ODAD2: variants seen among roughly 807,000 people sequenced by gnomAD.
ODAD2 encodes the protein outer dynein arm docking complex subunit 2.
Under a neutral mutation model 106.8 loss-of-function variants are expected in ODAD2, and 89 were observed. The ratio of observed to expected loss-of-function variants is 0.83; its 90% CI spans 0.70 to 0.99. The LOEUF is 0.99. ODAD2 is among the 50% of genes least tolerant of loss of function. ODAD2 has a pLI of 0.00. For missense variants in ODAD2, 1,168 were observed against 1,238.5 expected (o/e 0.94, Z 0.85); for synonymous variants, 404 against 436.2 (o/e 0.93, Z 0.92).
intron 19 of ODAD2, among the ~76,000 whole-genome samples, chr10:27,818,996 T>C (rs1461694333): frequency 1.3e-5 from 2 of 152,232 alleles, no homozygotes; most frequent in African/African-American, 2.4e-5. Context: ...CCTTCTCATA[T>C]GTGTAAAGGG....
At chr10:27,862,682 A>G in intron 17 of ODAD2, 60 bp from the exon 18 acceptor site, 1 of 1,291,748 alleles carries the variant, frequency 7.7e-7, no homozygotes, top group Non-Finnish European at 1.1e-6. Flanking sequence ...GGCATTTTTT[A>G]AGAGGCAGAA....
intron 17 of ODAD2, among the ~76,000 whole-genome samples, chr10:27,894,845 G>A (rs1004776571): frequency 6.6e-6 from 1 of 152,078 alleles, no homozygotes; most frequent in African/African-American, 2.4e-5. Context: ...GGTCACAGGT[G>A]TGAGCCACTT....
At chr10:27,825,991 C>A (rs1837010090) in intron 19 of ODAD2, among the ~76,000 whole-genome samples, 1 of 152,312 alleles carries the variant, frequency 6.6e-6, no homozygotes, top group South Asian at 2.1e-4. Flanking sequence ...AACTTCAGAC[C>A]TTGACCTCCT....
At chr10:27,868,189 T>A (rs7902862) in intron 17 of ODAD2, among the ~76,000 whole-genome samples, 2,198 of 152,128 alleles carry the variant, frequency 0.014, 50 homozygotes, top group African/African-American at 0.051. Flanking sequence ...AACATGCTTG[T>A]GAGTCTGTGG....
chr10:27,974,906 C>T (rs1483700096), intron 7 of ODAD2, among the ~76,000 whole-genome samples: 2 of 152,026 alleles, frequency 1.3e-5, no homozygotes, highest in African/African-American at 4.8e-5. Context: ...TGTGTCATCT[C>T]TGATTTCTTT....
At chr10:27,823,403 A>G (rs1836767269) in intron 19 of ODAD2, among the ~76,000 whole-genome samples, 1 of 152,298 alleles carries the variant, frequency 6.6e-6, no homozygotes, top group Admixed American at 6.5e-5. Context: ...TAAAGTGGCT[A>G]TGAGTTTATG....
rs1846002969 is a variant in ODAD2, at chr10:27,936,747, A to T, written c.2231T>A (p.Ile744Asn). 1 of 1,613,918 alleles carries T rather than the reference A, an allele frequency of 6.2e-7. No individual in the cohort carries two copies. ...AVTGAIWKCS[I>N]SKENVTKFRE... is the part of the protein sequence containing the mutation. ...TTACTTGGTAACATTCTCTTTGCTGATGGAACATTTCCATATAGCCCCTGT... is the reference window on the plus strand; with the variant it reads ...TTACTTGGTAACATTCTCTTTGCTGTTGGAACATTTCCATATAGCCCCTGT... The change falls in exon 15 of 20, where the codon ATC (isoleucine) becomes AAC (asparagine). Residue 744 changes from isoleucine (I) to asparagine (N), a missense_variant. Transcript: ENST00000305242.
Position 27,914,890 on chromosome 10 carries a change from G to A in ODAD2, c.2496-7113C>T, listed in dbSNP as rs761559091. Among the ~76,000 whole-genome samples the A allele has an allele frequency of 5.3e-4, 81 of 151,906 alleles. 1 individual carries two copies. Among genetic ancestry groups the A allele is most frequent in the Admixed American group, 6.6e-4 (10 of 15,210 alleles). On this transcript the variant is annotated intron_variant, in intron 16 of 19. Transcript: ENST00000305242. ...ATATATCCAAACAGAAAAACAAAGA[G>A]AAAAGCCTGACCTTTTCTCTTTGAA...
chr10:27,892,275 T>TGTTCAAATAAAA (rs933415309), intron 17 of ODAD2, among the ~76,000 whole-genome samples: 4 of 152,184 alleles, frequency 2.6e-5, no homozygotes, highest in African/African-American at 9.6e-5. Flanking sequence ...AAATGGTAAA[T>TGTTCAAATAAAA]GTTCAAATAA....
At chr10:27,814,493 T>G (rs1305306130) in intron 19 of ODAD2, among the ~76,000 whole-genome samples, 3 of 152,376 alleles carry the variant, frequency 2.0e-5, no homozygotes, top group Non-Finnish European at 2.9e-5. Context: ...CCATTGTCAC[T>G]GATCTTCACA....
intron 19 of ODAD2, among the ~76,000 whole-genome samples, chr10:27,814,602 C>T (rs1221594906): frequency 2.0e-5 from 3 of 152,208 alleles, no homozygotes; most frequent in Non-Finnish European, 2.9e-5. Context: ...TCTCCTCCCA[C>T]GATTTGGCTA....
At chr10:27,940,442 C>T (rs1846324367) in intron 13 of ODAD2, 121 bp downstream of exon 13, 1 of 1,217,108 alleles carries the variant, frequency 8.2e-7, no homozygotes. Flanking sequence ...TTCTCTTTCT[C>T]ATAGAATGCT....
intron 17 of ODAD2, among the ~76,000 whole-genome samples, chr10:27,882,721 T>C (rs904270575): frequency 6.6e-6 from 1 of 152,084 alleles, no homozygotes; most frequent in African/African-American, 2.4e-5. Context: ...CCGCGGAATC[T>C]GGGGAAATCT....
intron 19 of ODAD2, among the ~76,000 whole-genome samples, chr10:27,853,570 C>T (rs1383118281): frequency 6.6e-6 from 1 of 151,904 alleles, no homozygotes; most frequent in Non-Finnish European, 1.5e-5. Context: ...AAGAATATGA[C>T]CAAGAATAAA....
chr10:27,911,829 T>G (rs998139325), intron 16 of ODAD2, among the ~76,000 whole-genome samples: 1 of 152,156 alleles, frequency 6.6e-6, no homozygotes, highest in Admixed American at 6.6e-5. Flanking sequence ...CCATGTAATC[T>G]CCATGACAGC....
intron 17 of ODAD2, among the ~76,000 whole-genome samples, chr10:27,885,293 C>T (rs1428990639): frequency 1.3e-5 from 2 of 150,312 alleles, no homozygotes; most frequent in Admixed American, 6.7e-5. Flanking sequence ...GGGCAGATCA[C>T]GAGATCAAGA....
chr10:27,916,580 C>T (rs11006770), intron 16 of ODAD2, among the ~76,000 whole-genome samples: 16 of 152,232 alleles, frequency 1.1e-4, no homozygotes, highest in African/African-American at 3.9e-4. Context: ...CTTCTTCCTC[C>T]TCCTCCTCAG....
At chr10:27,961,027 C>G (rs1006339484) in intron 10 of ODAD2, among the ~76,000 whole-genome samples, 3 of 152,024 alleles carry the variant, frequency 2.0e-5, no homozygotes, top group Non-Finnish European at 4.4e-5. Context: ...TGCTATCTGA[C>G]GTGAGAGAAA....
intron 16 of ODAD2, among the ~76,000 whole-genome samples, chr10:27,924,327 C>T (rs929970464): frequency 5.3e-5 from 8 of 151,304 alleles, no homozygotes; most frequent in African/African-American, 1.9e-4. Flanking sequence ...TAAGACACTT[C>T]TAAAAATGAT....
Sources: gnomAD v4.1 joint callset for allele counts (sites outside exome capture counted in the v4.1 genomes callset) on GRCh38, gnomAD v4.1.1 for gene constraint, MANE v1.5 for transcripts, NCBI Gene and HGNC (gene_info 2026-07-23, HGNC 2026-07-21) for gene names.